The following PRMT8 variants were observed in gnomAD, a reference collection of about 807,000 sequenced individuals.
PRMT8 encodes protein arginine N-methyltransferase 8.
A neutral mutation model predicts 47.1 loss-of-function variants in PRMT8; 7 were observed. That is an observed-to-expected ratio of 0.15 (90% CI 0.08 to 0.28). The LOEUF is 0.28. Ranked by LOEUF, PRMT8 falls within the 10% of genes least tolerant of loss-of-function variation. The probability of loss-of-function intolerance (pLI) is 1.00; values close to 1 mark genes in which losing one functional copy is unlikely to be tolerated. For missense variants in PRMT8, 237 were observed against 505.4 expected, an observed-to-expected ratio of 0.47 and a Z score of 5.09; for synonymous variants, 188 against 186.5, an observed-to-expected ratio of 1.01 and a Z score of -0.07.
intron 4 of PRMT8, among the ~76,000 whole-genome samples, chr12:3,555,231 G>T (rs1051920008): frequency 6.6e-6 from 1 of 152,234 alleles, no homozygotes; most frequent in Non-Finnish European, 1.5e-5. Flanking sequence ...ATATCAGGTG[G>T]TGATAAGTGC....
At chr12:3,537,582 A>C (rs561062970) in intron 1 of PRMT8, among the ~76,000 whole-genome samples, 1 of 152,232 alleles carries the variant, frequency 6.6e-6, no homozygotes, top group South Asian at 2.1e-4. Context: ...TGCATATCCA[A>C]ATTGAAATTC....
chr12:3,557,222 A>T lies in PRMT8; in HGVS notation c.481+3508A>T, dbSNP rs191518622. Among the ~76,000 whole-genome samples the T allele has an allele frequency of 4.2e-4, 64 of 152,084 alleles. 1 individual carries two copies. In the East Asian group the frequency reaches 9.1e-3, roughly 22 times the overall value. ...TGAGTCCCATCCTTGCTGTTGTGTG[A>T]TCTTTCTCTTACCACTCTCAGGAGC... On this transcript the variant is annotated intron_variant, in intron 4 of 9. Transcript: ENST00000382622. This position sits in a 1 kb window ranked among gnomAD's most constrained non-coding sequence, Gnocchi z 4.7.
At chr12:3,428,870 C>G (rs118194693) in intron 1 of PRMT8, among the ~76,000 whole-genome samples, 11 of 151,814 alleles carry the variant, frequency 7.2e-5, no homozygotes, top group African/African-American at 2.7e-4. Context: ...CTCTTTGTCT[C>G]TCTGTCTCTT....
chr12:3,543,234 C>T (rs757398960), intron 2 of PRMT8, among the ~76,000 whole-genome samples: 3 of 152,184 alleles, frequency 2.0e-5, no homozygotes, highest in Admixed American at 6.5e-5. Flanking sequence ...AGCTAGGTAA[C>T]CTTCCTTCCC....
At chr12:3,518,285 C>A (rs758612) in intron 1 of PRMT8, among the ~76,000 whole-genome samples, 125,629 of 152,096 alleles carry the variant, frequency 0.83, 53,635 homozygotes, top group Non-Finnish European at 0.93. Context: ...GAATTTCCCT[C>A]TTCCTTGTAA....
At chr12:3,424,801 C>T (rs2137063748) in intron 1 of PRMT8, among the ~76,000 whole-genome samples, 1 of 152,288 alleles carries the variant, frequency 6.6e-6, no homozygotes, top group South Asian at 2.1e-4. Flanking sequence ...TGTCCTGCCT[C>T]AGTGACTTGA....
rs11062693 is a variant in PRMT8 at position 3,514,389 on chromosome 12, G to A, written c.75+22689G>A. 2.5e-3 allele frequency among the ~76,000 whole-genome samples: 381 copies of A among 152,210 alleles called. 8 individuals carry two copies. In the East Asian group the frequency reaches 0.054, roughly 21 times the overall value. ...ATGCCAGCACCAGATTGCTGTTGGG[G>A]TGTGGCTGGCATTCGGGCTGCAAGA... is the stretch of plus-strand genomic sequence containing the variant. On this transcript the variant is annotated intron_variant, in intron 1 of 9. Coordinates refer to ENST00000382622, the MANE Select transcript of PRMT8 (RefSeq NM_019854.5). The surrounding 1 kb of genome is among the most constrained non-coding windows in gnomAD (Gnocchi z 5.9).
intron 1 of PRMT8, among the ~76,000 whole-genome samples, chr12:3,507,426 GT>G (rs1256811406): frequency 6.6e-6 from 1 of 152,118 alleles, no homozygotes; most frequent in Admixed American, 6.5e-5. Context: ...CAGCCAAGTG[GT>G]GGCCTTTCAA....
chr12:3,530,123 G>A (rs1032447863), intron 1 of PRMT8, among the ~76,000 whole-genome samples: 1 of 152,112 alleles, frequency 6.6e-6, no homozygotes, highest in African/African-American at 2.4e-5. Context: ...ACCCTCCAAA[G>A]AGTATTGAGT....
intron 1 of PRMT8, 72 bp downstream of exon 1, chr12:3,491,772 C>T (rs1202471661): frequency 1.5e-5 from 23 of 1,545,866 alleles, no homozygotes; most frequent in Non-Finnish European, 1.7e-5. Context: ...GCCGCCGCCG[C>T]TCAGCGCCGA....
intron 7 of PRMT8, among the ~76,000 whole-genome samples, chr12:3,581,807 T>C (rs961696632): frequency 6.6e-6 from 1 of 152,226 alleles, no homozygotes; most frequent in African/African-American, 2.4e-5. Flanking sequence ...TCTGATCTCA[T>C]TGGTTCCCTT....
At position 3,492,638 on chromosome 12, in the gene PRMT8, C is replaced by G. The variant is rs906424126; in HGVS notation, c.75+938C>G. ...ACTCGAGGCTGTGATCCCTCGCCTC[C>G]CTCTGACCCCGCTGTCATTACAACA... On this transcript the variant is annotated intron_variant, in intron 1 of 9. Transcript: ENST00000382622. The surrounding 1 kb of genome is among the most constrained non-coding windows in gnomAD (Gnocchi z 7.5). Among the ~76,000 whole-genome samples the G allele has an allele frequency of 2.0e-5, 3 of 152,216 alleles. No homozygotes were observed. Among genetic ancestry groups the G allele is most frequent in the African/African-American group, 7.2e-5 (3 of 41,454 alleles).
chr12:3,468,307 G>A (rs1405979940), intron 1 of PRMT8, among the ~76,000 whole-genome samples: 1 of 152,196 alleles, frequency 6.6e-6, no homozygotes, highest in Non-Finnish European at 1.5e-5. Context: ...GAAAGAGGCA[G>A]CAGCCATTCC....
Position 3,493,105 on chromosome 12 carries a change from A to G in PRMT8, c.75+1405A>G, listed in dbSNP as rs1343062867. Among the ~76,000 whole-genome samples the G allele has an allele frequency of 2.0e-5, 3 of 152,098 alleles. No homozygotes were observed. The highest frequency in any genetic ancestry group is 2.1e-4 in the South Asian group (1 of 4,828). ...AGCAGCATGCATCTGACAATTGTCA[A>G]TTTCAAAACAAACACGCTCCGGGAC... On this transcript the variant is annotated intron_variant, in intron 1 of 9. Transcript: ENST00000382622. The surrounding 1 kb of genome is among the most constrained non-coding windows in gnomAD (Gnocchi z 8.2).
At chr12:3,571,977 A>G (rs1218735050) in intron 6 of PRMT8, among the ~76,000 whole-genome samples, 1 of 152,182 alleles carries the variant, frequency 6.6e-6, no homozygotes, top group African/African-American at 2.4e-5. Flanking sequence ...AGAGTGAGAC[A>G]TGTTCAGCCC....
chr12:3,406,376 A>G (rs1479247473), intron 1 of PRMT8, among the ~76,000 whole-genome samples: 2 of 152,266 alleles, frequency 1.3e-5, no homozygotes, highest in African/African-American at 4.8e-5. Flanking sequence ...GTTGATTAAC[A>G]TTTGGCTCCT....
Position 3,593,377 on chromosome 12 carries a change from T to C in PRMT8, c.*195T>C. The C allele has an allele frequency of 1.8e-6, 1 of 568,138 alleles. No homozygotes were observed. The highest frequency in any genetic ancestry group is 2.2e-5 in the South Asian group (1 of 46,244). 35.2% of individuals were successfully genotyped at this position (568,138 alleles called of 1,614,324 possible). Reference sequence around the variant, plus strand: ...CAGAAGGCCTCCAGCTCCTCCGCTCTGCCCTGGTAGCCCTTCACGAAGGCT... The same window carrying C: ...CAGAAGGCCTCCAGCTCCTCCGCTCCGCCCTGGTAGCCCTTCACGAAGGCT... On this transcript the variant is annotated 3_prime_UTR_variant, in exon 10 of 10. Transcript: ENST00000382622. This position sits in a 1 kb window ranked among gnomAD's most constrained non-coding sequence, Gnocchi z 4.8.
At chr12:3,469,548 A>G (rs989733708) in intron 1 of PRMT8, among the ~76,000 whole-genome samples, 1 of 152,152 alleles carries the variant, frequency 6.6e-6, no homozygotes, top group Non-Finnish European at 1.5e-5. Context: ...AGGTAGATTC[A>G]TGGTTGCCGG....
intron 1 of PRMT8, among the ~76,000 whole-genome samples, chr12:3,480,306 G>A (rs554229142): frequency 4.5e-4 from 69 of 152,276 alleles, no homozygotes; most frequent in African/African-American, 1.6e-3. Context: ...AAGTGCCTGA[G>A]CCCCAGAGCA....
Sources: allele counts gnomAD v4.1 joint callset (sites outside exome capture counted in the v4.1 genomes callset), GRCh38; gene constraint gnomAD v4.1.1; non-coding constraint Gnocchi (gnomAD v3.1); transcripts MANE v1.5; gene names NCBI Gene and HGNC (gene_info 2026-07-23, HGNC 2026-07-21).